Variants in EDEM3 observed in about 807,000 individuals in gnomAD.
The protein encoded by EDEM3 is ER degradation enhancing alpha-mannosidase like protein 3, also known as ER degradation-enhancing alpha-mannosidase-like protein 3.
A neutral mutation model predicts 110.2 loss-of-function variants in EDEM3; 60 were observed. The observed-to-expected ratio is 0.54, with a 90% CI of 0.44 to 0.67. EDEM3 has a LOEUF of 0.67. Among genes scored for constraint, EDEM3 ranks in the 30% least tolerant of loss-of-function variants. EDEM3 has a pLI of 0.00. For synonymous variants in EDEM3, 352 were observed against 382.9 expected, an observed-to-expected ratio of 0.92 and a Z score of 0.94; for missense variants, 996 against 1,121.0, an observed-to-expected ratio of 0.89 and a Z score of 1.59.
chr1:184,728,829 C>T (rs1297604424), intron 6 of EDEM3, among the ~76,000 whole-genome samples: 3 of 152,122 alleles, frequency 2.0e-5, no homozygotes, highest in Non-Finnish European at 2.9e-5. Context: ...AAGATGGTCT[C>T]GATCTCTTGA....
intron 2 of EDEM3, among the ~76,000 whole-genome samples, chr1:184,745,762 A>T (rs1652398349): frequency 6.6e-6 from 1 of 152,158 alleles, no homozygotes; most frequent in South Asian, 2.1e-4. Context: ...TACTAAAGGA[A>T]ATTGTGCTTA....
intron 19 of EDEM3, among the ~76,000 whole-genome samples, chr1:184,700,561 C>T (rs1260844206): frequency 6.6e-6 from 1 of 151,822 alleles, no homozygotes; most frequent in Non-Finnish European, 1.5e-5. Context: ...ACACAATCAC[C>T]CGGGATGTTT....
intron 5 of EDEM3, 93 bp downstream of exon 5, chr1:184,734,438 G>T: frequency 2.4e-6 from 1 of 418,916 alleles, no homozygotes; most frequent in Non-Finnish European, 3.7e-6. Context: ...CTGCACTCCA[G>T]CCTGGGTGAC....
intron 6 of EDEM3, among the ~76,000 whole-genome samples, chr1:184,730,181 G>A (rs1010431100): frequency 1.3e-5 from 2 of 152,288 alleles, no homozygotes; most frequent in African/African-American, 4.8e-5. Flanking sequence ...TGGGCAACAA[G>A]TACCTGATAT....
chr1:184,705,108 T>C (rs912498946), intron 18 of EDEM3, among the ~76,000 whole-genome samples: 4 of 151,978 alleles, frequency 2.6e-5, no homozygotes, highest in African/African-American at 9.7e-5. Context: ...TATTGCATAC[T>C]ATAGAAGATC....
At position 184,690,614 on chromosome 1, in the gene EDEM3, GT is replaced by G. The variant is rs1217395524; in HGVS notation, c.*3448del. 1 of 152,484 alleles carries G rather than the reference GT, an allele frequency of 6.6e-6. No individual in the cohort carries two copies. The highest frequency in any genetic ancestry group is 6.6e-5 in the Admixed American group (1 of 15,262). The allele number at this position is 152,484 out of a possible 1,614,324, so 9.4% of individuals were successfully genotyped here. A position where few individuals can be genotyped will look rare whatever the true frequency, so the allele number is the denominator to read the frequency against. On this transcript the variant is annotated 3_prime_UTR_variant, in exon 20 of 20. Transcript: ENST00000318130. ...CCAGACTTTTACATCACAGTACATA[GT>G]TTCCCTTAGAAATATTGTATACATT... is the stretch of plus-strand genomic sequence containing the variant.
In EDEM3 at chr1:184,702,857, T is replaced by C. The variant is rs1365877129; in HGVS notation, c.2343A>G (p.Glu781=). 1.9e-6 allele frequency: 3 copies of C among 1,612,266 alleles called. No homozygotes were observed. Among genetic ancestry groups the C allele is most frequent in the South Asian group, 1.1e-5 (1 of 90,828 alleles). Residue 781 remains glutamate (E), a synonymous_variant, in exon 19 of 20, where the codon GAA becomes GAG. Coordinates refer to ENST00000318130, the MANE Select transcript of EDEM3 (RefSeq NM_025191.4). ...AGAGGAGCACTTCTACCTCCTCATA[T>C]TCCCGGATGGCATCCAGTATGATAC... The part of the protein sequence containing the change: ...EGSIILDAIR[E]YEEVEVLLSD...
chr1:184,732,493 A>G (rs1259661779), intron 6 of EDEM3, among the ~76,000 whole-genome samples: 1 of 152,232 alleles, frequency 6.6e-6, no homozygotes, highest in African/African-American at 2.4e-5. Context: ...AACACAAAGA[A>G]ATGATAAATG....
chr1:184,721,038 A>G, intron 9 of EDEM3: 1 of 344,008 alleles, frequency 2.9e-6, no homozygotes, highest in South Asian at 4.4e-5. Context: ...ACTCAAATCT[A>G]TTACATCTCT....
At chr1:184,738,814 A>T (rs965994152) in intron 2 of EDEM3, among the ~76,000 whole-genome samples, 2 of 152,158 alleles carry the variant, frequency 1.3e-5, no homozygotes, top group Non-Finnish European at 2.9e-5. Context: ...TTTGGCCACA[A>T]GAGACTCTCA....
chr1:184,753,724 T>G (rs1652908264), intron 1 of EDEM3, among the ~76,000 whole-genome samples: 1 of 152,218 alleles, frequency 6.6e-6, no homozygotes, highest in Non-Finnish European at 1.5e-5. Context: ...GGAGGTTGAG[T>G]AACTTTTCAT....
At chr1:184,697,932 C>A (rs1649414203) in intron 19 of EDEM3, among the ~76,000 whole-genome samples, 1 of 151,224 alleles carries the variant, frequency 6.6e-6, no homozygotes, top group African/African-American at 2.4e-5. Flanking sequence ...TGTGTCTTTT[C>A]TAGATAATTT....
At chr1:184,721,011 A>G (rs1446734086) in intron 9 of EDEM3, 1 of 285,466 alleles carries the variant, frequency 3.5e-6, no homozygotes, top group African/African-American at 2.3e-5. Context: ...ATCCTTGTAC[A>G]AACAAGATTA....
intron 1 of EDEM3, 43 bp from the exon 2 acceptor site, chr1:184,749,635 G>T (rs762554604): frequency 1.9e-6 from 2 of 1,048,182 alleles, no homozygotes; most frequent in Non-Finnish European, 2.7e-6. Context: ...AAAAAAAAAG[G>T]TAAGTATATT....
At chr1:184,742,173 G>A (rs1054316943) in intron 2 of EDEM3, among the ~76,000 whole-genome samples, 3 of 151,186 alleles carry the variant, frequency 2.0e-5, no homozygotes, top group African/African-American at 7.3e-5. Flanking sequence ...CACACAGAAA[G>A]GGGGGGAAAT....
At position 184,719,576 on chromosome 1, in the gene EDEM3, A is replaced by T. The variant is rs773767953; in HGVS notation, c.952-8T>A. On this transcript the variant is annotated splice_region_variant and splice_polypyrimidine_tract_variant and intron_variant, in intron 9 of 19. Transcript: ENST00000318130. Reference sequence around the variant, plus strand: ...CATTATGGCATCATAGTGCTAAAAGATCACAACATGTGTTCATGAAAGTTA... The same window carrying T: ...CATTATGGCATCATAGTGCTAAAAGTTCACAACATGTGTTCATGAAAGTTA... The T allele has an allele frequency of 9.9e-6, 16 of 1,613,468 alleles. No homozygotes were observed. The South Asian group carries it at 1.8e-4, about 18-fold the overall frequency.
At chr1:184,742,918 C>T (rs1324404538) in intron 2 of EDEM3, among the ~76,000 whole-genome samples, 1 of 152,148 alleles carries the variant, frequency 6.6e-6, no homozygotes, top group Non-Finnish European at 1.5e-5. Context: ...AGGTTGTAAA[C>T]AGTTCCTTAC....
At chr1:184,729,690 G>A (rs1471142206) in intron 6 of EDEM3, among the ~76,000 whole-genome samples, 1 of 152,076 alleles carries the variant, frequency 6.6e-6, no homozygotes, top group Non-Finnish European at 1.5e-5. Context: ...GTATAAGAAA[G>A]GATGGGACAG....
chr1:184,714,215 A>G (rs1044525371), intron 13 of EDEM3, among the ~76,000 whole-genome samples: 1 of 152,356 alleles, frequency 6.6e-6, no homozygotes. Context: ...TGGTAAGATA[A>G]CTACAATATG....
Sources: allele counts gnomAD v4.1 joint callset (sites outside exome capture counted in the v4.1 genomes callset), GRCh38; gene constraint gnomAD v4.1.1; transcripts MANE v1.5; gene names NCBI Gene and HGNC (gene_info 2026-07-23, HGNC 2026-07-21).